The following MROH7 variants were observed in gnomAD, a reference collection of about 807,000 sequenced individuals.
MROH7 encodes the protein maestro heat like repeat family member 7, also known as maestro heat-like repeat-containing protein family member 7.
A neutral mutation model predicts 129.2 loss-of-function variants in MROH7; 113 were observed. The observed-to-expected ratio is 0.87, with a 90% confidence interval of 0.75 to 1.02. MROH7 has a LOEUF of 1.02. Ranked by LOEUF, MROH7 falls within the 50% of genes least tolerant of loss-of-function variation. MROH7 has a pLI of 0.00. For synonymous variants in MROH7, 655 were observed against 667.9 expected (o/e 0.98, Z 0.30); for missense variants, 1,601 against 1,671.3 (o/e 0.96, Z 0.73).
chr1:54,675,601 C>CT (rs35016115), intron 10 of MROH7, among the ~76,000 whole-genome samples: 2,324 of 143,168 alleles, frequency 0.016, 58 homozygotes, highest in African/African-American at 0.053. Flanking sequence ...GGGACGCTGC[C>CT]TTTTTTTTTT....
At chr1:54,642,131 C>G (rs1221324438) in intron 1 of MROH7, among the ~76,000 whole-genome samples, 163 bp downstream of exon 1, 1 of 152,030 alleles carries the variant, frequency 6.6e-6, no homozygotes, top group East Asian at 1.9e-4. Context: ...AGTCTTGGAG[C>G]CTGGAAACCA....
rs536368358 is a variant in MROH7 at position 54,659,845 on chromosome 1, G to A, written c.1232-5322G>A. 2.0e-5 allele frequency among the ~76,000 whole-genome samples: 3 copies of A among 152,226 alleles called. No individual in the cohort carries two copies. In the East Asian group the frequency reaches 5.8e-4, roughly 29 times the overall value. ...TATTTCAATAGTAGATTGTTTTTTG[G>A]TGTTCTGTAGTATTCCATTGTATGG... On this transcript the variant is annotated intron_variant, in intron 3 of 23. Transcript: ENST00000421030.
rs201787706 is a variant in MROH7 at position 54,700,392 on chromosome 1, C to T, written c.3036C>T (p.Ser1012=). 5.6e-6 allele frequency: 9 copies of T among 1,613,832 alleles called. No individual in the cohort carries two copies. The highest frequency in any genetic ancestry group is 7.6e-6 in the Non-Finnish European group (9 of 1,179,874). ...YSLGRMAEGL[S]HHDPIMKVLS... The stretch of plus-strand genomic sequence containing the variant: ...TGGGGCGGATGGCAGAAGGCCTGAG[C>T]CACCACGACCCCATCATGAAGGTGC... Residue 1012 remains serine, a synonymous_variant, in exon 18 of 24, where the codon AGC becomes AGT. Coordinates refer to ENST00000421030, the MANE Select transcript of MROH7 (RefSeq NM_001039464.4).
chr1:54,686,366 A>T lies in MROH7; in HGVS notation c.2629A>T (p.Ile877Phe), dbSNP rs370978346. The T allele has an allele frequency of 6.2e-7, 1 of 1,613,966 alleles. No homozygotes were observed. Among genetic ancestry groups the T allele is most frequent in the African/African-American group, 1.3e-5 (1 of 74,896 alleles). Residue 877 changes from isoleucine to phenylalanine, a missense_variant, in exon 15 of 24, where the codon ATC (isoleucine) becomes TTC (phenylalanine). Physicochemically the swap from Ile to Phe is conservative, Grantham distance 21. Coordinates refer to ENST00000421030, the MANE Select transcript of MROH7 (RefSeq NM_001039464.4). Reference sequence around the variant, plus strand: ...CCTGCTCATTCAGGTCCATTACCACATCGGCCTCAACCTGCCTGGCTGCGT... The same window carrying T: ...CCTGCTCATTCAGGTCCATTACCACTTCGGCCTCAACCTGCCTGGCTGCGT... ...LALLIQVHYH[I>F]GLNLPGCVAP...
At chr1:54,644,241 G>T (rs1270668551) in intron 1 of MROH7, among the ~76,000 whole-genome samples, 1 of 148,782 alleles carries the variant, frequency 6.7e-6, no homozygotes, top group Non-Finnish European at 1.5e-5. Context: ...TTTTTGGGGG[G>T]TGGGGAGGGG....
chr1:54,695,524 C>T, intron 17 of MROH7, 34 bp downstream of exon 17: 1 of 1,426,450 alleles, frequency 7.0e-7, no homozygotes, highest in Non-Finnish European at 9.9e-7. Flanking sequence ...ACAGCGGGAG[C>T]TCCTCCCGGG....
chr1:54,686,590 T>G, intron 15 of MROH7, 142 bp downstream of exon 15: 1 of 714,552 alleles, frequency 1.4e-6, no homozygotes, highest in Non-Finnish European at 2.3e-6. Context: ...CACAATTTTA[T>G]TAGAGCCAAT....
At chr1:54,697,795 A>G in intron 17 of MROH7, 1 of 625,388 alleles carries the variant, frequency 1.6e-6, no homozygotes, top group South Asian at 1.9e-5. Flanking sequence ...CCTCTTGGAG[A>G]GGCACTTCTA....
intron 15 of MROH7, among the ~76,000 whole-genome samples, chr1:54,691,971 G>A (rs906649544): frequency 6.7e-6 from 1 of 149,116 alleles, no homozygotes; most frequent in African/African-American, 2.5e-5. Flanking sequence ...GCTCATTCTG[G>A]AGCTTGACAA....
intron 16 of MROH7, among the ~76,000 whole-genome samples, chr1:54,693,867 A>G (rs1645278343): frequency 6.6e-6 from 1 of 152,222 alleles, no homozygotes; most frequent in Non-Finnish European, 1.5e-5. Context: ...ACCGTGACTG[A>G]TGAAATAGCA....
At chr1:54,705,870 C>A (rs1340067284) in intron 21 of MROH7, among the ~76,000 whole-genome samples, 2 of 152,150 alleles carry the variant, frequency 1.3e-5, no homozygotes, top group Non-Finnish European at 2.9e-5. Flanking sequence ...TCAACAGCTC[C>A]TTAGCTGGAC....
rs1645472904 is a variant in MROH7, at chr1:54,703,531, T to G, written c.3564+786T>G. Among the ~76,000 whole-genome samples, 1 of 152,016 alleles carries G rather than the reference T, an allele frequency of 6.6e-6. No individual in the cohort carries two copies. The highest frequency in any genetic ancestry group is 1.5e-5 in the Non-Finnish European group (1 of 68,018). Reference sequence around the variant, plus strand: ...GATGTTTTGTGCTGAGGAAATGTGTTCATGGTTCTTCATATAATAGTTTCC... The same window carrying G: ...GATGTTTTGTGCTGAGGAAATGTGTGCATGGTTCTTCATATAATAGTTTCC... On this transcript the variant is annotated intron_variant, in intron 21 of 23. Coordinates refer to ENST00000421030, the MANE Select transcript of MROH7 (RefSeq NM_001039464.4). This position sits in a 1 kb window ranked among gnomAD's most constrained non-coding sequence, Gnocchi z 4.4.
chr1:54,653,398 A>G lies in MROH7; in HGVS notation c.472A>G (p.Ser158Gly), dbSNP rs777924560. The G allele has an allele frequency of 3.3e-5, 53 of 1,614,078 alleles. No individual in the cohort carries two copies. The highest frequency in any genetic ancestry group is 4.3e-5 in the Non-Finnish European group (51 of 1,180,048). Residue 158 changes from serine (S) to glycine (G), a missense_variant, in exon 3 of 24, where the codon AGT becomes GGT. Coordinates refer to ENST00000421030, the MANE Select transcript of MROH7 (RefSeq NM_001039464.4). ...TGAAGATGCCTTCAAGTGCCTCTCA[A>G]GTAAGATTTTCAAGTTGGGTCAGAG... Reference protein sequence around the residue: ...NSEDAFKCLSSKIFKLGQRNS... With the variant: ...NSEDAFKCLSGKIFKLGQRNS...
chr1:54,655,486 T>G (rs1644629522), intron 3 of MROH7, among the ~76,000 whole-genome samples: 1 of 152,108 alleles, frequency 6.6e-6, no homozygotes, highest in Non-Finnish European at 1.5e-5. Flanking sequence ...CCCTCCTGCC[T>G]CAGCCTCCCG....
chr1:54,682,856 C>T, intron 14 of MROH7, 62 bp downstream of exon 14: 1 of 1,570,070 alleles, frequency 6.4e-7, no homozygotes, highest in Non-Finnish European at 8.6e-7. Flanking sequence ...CTCCTTCCCT[C>T]CTGCTGAGCT....
At chr1:54,676,864 G>A (rs1031539107) in intron 10 of MROH7, among the ~76,000 whole-genome samples, 1 of 151,774 alleles carries the variant, frequency 6.6e-6, no homozygotes, top group South Asian at 2.1e-4. Flanking sequence ...ATGCACTACC[G>A]TGCCTGGCTA....
intron 3 of MROH7, among the ~76,000 whole-genome samples, 195 bp from the exon 4 acceptor site, chr1:54,664,972 A>ATTGCAC (rs1448747122): frequency 6.6e-6 from 1 of 152,128 alleles, no homozygotes; most frequent in Admixed American, 6.6e-5. Flanking sequence ...AGATAGCGCC[A>ATTGCAC]TTGCACTTGC....
At chr1:54,677,912 T>G (rs1645007289) in intron 10 of MROH7, among the ~76,000 whole-genome samples, 1 of 152,044 alleles carries the variant, frequency 6.6e-6, no homozygotes, top group African/African-American at 2.4e-5. Context: ...AATAAACAAG[T>G]AACACATATA....
At chr1:54,709,836 G>T in intron 23 of MROH7, 110 bp from the exon 24 acceptor site, 3 of 1,296,062 alleles carry the variant, frequency 2.3e-6, no homozygotes, top group Non-Finnish European at 2.2e-6. Flanking sequence ...ATGAGGGGAT[G>T]CCAAGCAGAG....
Sources: gnomAD v4.1 joint callset for allele counts (sites outside exome capture counted in the v4.1 genomes callset) on GRCh38, gnomAD v4.1.1 for gene constraint, Gnocchi (gnomAD v3.1) non-coding constraint, MANE v1.5 for transcripts, NCBI Gene and HGNC (gene_info 2026-07-23, HGNC 2026-07-21) for gene names.